The following PCDH15 variants were observed in gnomAD, a reference collection of about 807,000 sequenced individuals.
PCDH15 encodes protocadherin related 15, also known as protocadherin-15.
PCDH15 carries 129 observed loss-of-function variants against 178.5 expected under a neutral mutation model. The ratio of observed to expected loss-of-function variants is 0.72; its 90% confidence interval spans 0.63 to 0.84. The LOEUF (loss-of-function observed/expected upper bound fraction) is 0.84. Among genes scored for constraint, PCDH15 ranks in the 40% least tolerant of loss-of-function variants. The pLI is 0.00. For missense variants in PCDH15, 2,230 were observed against 2,099.9 expected (o/e 1.06, Z -1.21); for synonymous variants, 800 against 732.0 (o/e 1.09, Z -1.50).
chr10:54,978,708 C>T (rs78531163), intron 2 of PCDH15, among the ~76,000 whole-genome samples: 2 of 152,266 alleles, frequency 1.3e-5, no homozygotes, highest in East Asian at 3.9e-4. Flanking sequence ...ATATCAAACT[C>T]TACCTTTTTT....
chr10:53,943,453 G>A (rs776670940), intron 23 of PCDH15, among the ~76,000 whole-genome samples: 5 of 151,722 alleles, frequency 3.3e-5, no homozygotes, highest in African/African-American at 4.9e-5. Flanking sequence ...TACAGTCTGG[G>A]CAACAGAGCG....
At chr10:54,255,646 G>A (rs1297007860) in intron 8 of PCDH15, among the ~76,000 whole-genome samples, 2 of 152,062 alleles carry the variant, frequency 1.3e-5, no homozygotes, top group African/African-American at 4.8e-5. Flanking sequence ...CTAACTGGTA[G>A]CCATACACAG....
chr10:55,195,206 T>C (rs935853107), intron 1 of PCDH15, among the ~76,000 whole-genome samples: 1 of 151,726 alleles, frequency 6.6e-6, no homozygotes, highest in South Asian at 2.1e-4. Flanking sequence ...GTATTTTTAG[T>C]AGAGACGGGA....
intron 2 of PCDH15, among the ~76,000 whole-genome samples, chr10:55,071,456 G>C (rs559446049): frequency 6.6e-6 from 1 of 152,192 alleles, no homozygotes; most frequent in Non-Finnish European, 1.5e-5. Flanking sequence ...CCTAGTCTCT[G>C]ATAAAACAGA....
Position 55,404,129 on chromosome 10 carries a change from C to T in PCDH15, c.-156+223496G>A, listed in dbSNP as rs140654837. Among the ~76,000 whole-genome samples the T allele has an allele frequency of 6.6e-3, 1,001 of 152,044 alleles. 10 individuals carry two copies. Among genetic ancestry groups the T allele is most frequent in the African/African-American group, 0.023 (964 of 41,486 alleles). Reference sequence around the variant, plus strand: ...TATAGTTAGATTAATAAGAATACCCCCCACATTTTCCTCTTGGGATATTGG... The same window carrying T: ...TATAGTTAGATTAATAAGAATACCCTCCACATTTTCCTCTTGGGATATTGG... On this transcript the variant is annotated intron_variant, in intron 2 of 5. Coordinates refer to the PCDH15 transcript ENST00000613346.
intron 2 of PCDH15, among the ~76,000 whole-genome samples, chr10:55,416,835 A>C (rs768595600): frequency 2.0e-5 from 3 of 151,804 alleles, no homozygotes; most frequent in Non-Finnish European, 4.4e-5. Context: ...TGATGTCACT[A>C]CAGAACAAAC....
At chr10:55,293,160 C>T (rs1295839990) in intron 1 of PCDH15, among the ~76,000 whole-genome samples, 1 of 152,128 alleles carries the variant, frequency 6.6e-6, no homozygotes, top group African/African-American at 2.4e-5. Context: ...ATGGGAGCTG[C>T]CAAGGCTTGG....
At chr10:55,431,960 G>A (rs1364603058) in intron 2 of PCDH15, among the ~76,000 whole-genome samples, 1 of 151,996 alleles carries the variant, frequency 6.6e-6, no homozygotes, top group Admixed American at 6.6e-5. Flanking sequence ...CTAAGCTCTA[G>A]GGAGATTGTA....
chr10:54,905,022 A>G (rs1954696426), intron 2 of PCDH15, among the ~76,000 whole-genome samples: 1 of 151,918 alleles, frequency 6.6e-6, no homozygotes, highest in African/African-American at 2.4e-5. Context: ...CAACTACACT[A>G]TGAAGCAGAT....
intron 2 of PCDH15, among the ~76,000 whole-genome samples, chr10:55,103,414 A>G (rs2132048193): frequency 6.6e-6 from 1 of 152,220 alleles, no homozygotes; most frequent in East Asian, 1.9e-4. Flanking sequence ...GAATTTCTCC[A>G]AGATCCATAT....
At chr10:55,182,154 T>C (rs7896763) in intron 1 of PCDH15, among the ~76,000 whole-genome samples, 3,229 of 152,094 alleles carry the variant, frequency 0.021, 124 homozygotes, top group African/African-American at 0.074. Context: ...TTATTTTACA[T>C]GCAGGCTTCA....
chr10:55,195,486 CAAAAAAA>C (rs34476628), intron 1 of PCDH15, among the ~76,000 whole-genome samples: 71 of 115,196 alleles, frequency 6.2e-4, no homozygotes, highest in Admixed American at 1.5e-3. Context: ...ACTAAAAATA[CAAAAAAA>C]AAAAAAAAAA....
chr10:55,595,835 A>G (rs1195887595), intron 2 of PCDH15, among the ~76,000 whole-genome samples: 2 of 152,140 alleles, frequency 1.3e-5, no homozygotes, highest in African/African-American at 4.8e-5. Flanking sequence ...TTAAATATCA[A>G]AAATCTCTAA....
At chr10:55,478,060 T>C (rs1840098595) in intron 2 of PCDH15, among the ~76,000 whole-genome samples, 1 of 151,698 alleles carries the variant, frequency 6.6e-6, no homozygotes, top group African/African-American at 2.4e-5. Context: ...AAATGGACTT[T>C]AAGTAAAAAA....
At chr10:53,849,106 C>G (rs2078171679) in intron 28 of PCDH15, among the ~76,000 whole-genome samples, 1 of 152,038 alleles carries the variant, frequency 6.6e-6, no homozygotes, top group Non-Finnish European at 1.5e-5. Flanking sequence ...TTTCCATTGT[C>G]TCCAAAAGTT....
At chr10:54,433,278 C>T (rs1286974036) in intron 3 of PCDH15, among the ~76,000 whole-genome samples, 6 of 152,090 alleles carry the variant, frequency 3.9e-5, no homozygotes, top group Admixed American at 3.3e-4. Context: ...CCTTGTTTGG[C>T]CAGCACTGTT....
chr10:54,058,048 C>A (rs767670223), intron 18 of PCDH15, among the ~76,000 whole-genome samples: 2 of 152,170 alleles, frequency 1.3e-5, no homozygotes, highest in African/African-American at 2.4e-5. Flanking sequence ...TTTAATAATT[C>A]TCTATGAAGT....
intron 9 of PCDH15, among the ~76,000 whole-genome samples, chr10:54,214,773 T>C (rs2051827022): frequency 6.6e-6 from 1 of 152,074 alleles, no homozygotes; most frequent in Admixed American, 6.6e-5. Context: ...GTATTTTTAG[T>C]AAAGAAAGGG....
chr10:55,365,585 TG>T (rs1468276593), intron 2 of PCDH15, among the ~76,000 whole-genome samples: 1 of 151,996 alleles, frequency 6.6e-6, no homozygotes, highest in African/African-American at 2.4e-5. Flanking sequence ...AGGAACCCAG[TG>T]GGAGGTGATT....
Sources: gnomAD v4.1 joint callset for allele counts (sites outside exome capture counted in the v4.1 genomes callset) on GRCh38, gnomAD v4.1.1 for gene constraint, MANE v1.5 for transcripts, NCBI Gene and HGNC (gene_info 2026-07-23, HGNC 2026-07-21) for gene names.